Variants in ITGA11 observed in about 807,000 individuals in gnomAD.
ITGA11 encodes integrin subunit alpha 11, also known as integrin alpha-11.
Under a neutral mutation model 141.9 loss-of-function variants are expected in ITGA11, and 97 were observed. The observed-to-expected ratio is 0.68, with a 90% confidence interval of 0.58 to 0.81. ITGA11 has a LOEUF of 0.81. Ranked by LOEUF, ITGA11 falls within the 30% of genes least tolerant of loss-of-function variation. The probability of loss-of-function intolerance (pLI) is 0.00; values close to 1 mark genes in which losing one functional copy is unlikely to be tolerated. For synonymous variants in ITGA11, 658 were observed against 624.6 expected (o/e 1.05, Z -0.80); for missense variants, 1,387 against 1,559.2 (o/e 0.89, Z 1.86).
rs527860075 is a variant in ITGA11, at chr15:68,307,023, G to A, written c.3381+325C>T. Among the ~76,000 whole-genome samples the A allele has an allele frequency of 1.6e-4, 24 of 152,266 alleles. No individual in the cohort carries two copies. Among genetic ancestry groups the A allele is most frequent in the African/African-American group, 5.8e-4 (24 of 41,534 alleles). On this transcript the variant is annotated intron_variant, in intron 28 of 29. Transcript: ENST00000315757. The surrounding 1 kb of genome is among the most constrained non-coding windows in gnomAD (Gnocchi z 6.1). ...CTCACAGAGTCTCACTCCTTTCCTG[G>A]ACCCTGGATGAAGCCAGTGTAATCT...
At chr15:68,360,736 T>C (rs879783822) in intron 5 of ITGA11, among the ~76,000 whole-genome samples, 20 of 152,218 alleles carry the variant, frequency 1.3e-4, no homozygotes, top group Non-Finnish European at 2.9e-4. Flanking sequence ...TCCTGTGCCC[T>C]GGCTCTGCCA....
rs1282223111 is a variant in ITGA11 at position 68,328,851 on chromosome 15, A to AAAGC, written c.1902-593_1902-590dup. 6.6e-6 allele frequency among the ~76,000 whole-genome samples: 1 copy of AAAGC among 152,166 alleles called. No individual in the cohort carries two copies. The highest frequency in any genetic ancestry group is 1.5e-5 in the Non-Finnish European group (1 of 68,022). ...ACCACACTTCGAAGAGCGAGGCGTT[A>AAAGC]AAGCACCCCAGGTGATTCCAACGTG... On this transcript the variant is annotated intron_variant, in intron 15 of 29. Coordinates refer to ENST00000315757, the MANE Select transcript of ITGA11 (RefSeq NM_001004439.2). The surrounding 1 kb of genome is among the most constrained non-coding windows in gnomAD (Gnocchi z 4.8).
At position 68,358,590 on chromosome 15, in the gene ITGA11, A is replaced by G. The variant is rs558111311; in HGVS notation, c.473-5T>C. ...TGTCCATGTAGGTCTGGCACCCTGG[A>G]AAGTGGGGACACAGTTATGGCTACC... On this transcript the variant is annotated splice_polypyrimidine_tract_variant and splice_region_variant and intron_variant, in intron 5 of 29. Transcript: ENST00000315757. 6 of 1,609,414 alleles carry G rather than the reference A, an allele frequency of 3.7e-6. No individual in the cohort carries two copies. In the South Asian group the frequency reaches 4.4e-5, roughly 12 times the overall value.
At chr15:68,418,142 G>T (rs938680623) in intron 1 of ITGA11, among the ~76,000 whole-genome samples, 1 of 152,206 alleles carries the variant, frequency 6.6e-6, no homozygotes, top group Non-Finnish European at 1.5e-5. Context: ...AAGAATGATA[G>T]GAATTCTTTC....
intron 24 of ITGA11, among the ~76,000 whole-genome samples, chr15:68,311,680 G>A (rs537985575): frequency 4.6e-5 from 7 of 152,320 alleles, no homozygotes; most frequent in African/African-American, 1.7e-4. Context: ...GAGAGCAGGG[G>A]CCACCTGCAT....
chr15:68,400,837 AT>A lies in ITGA11; in HGVS notation c.164+2080del, dbSNP rs1896479955. ...TAATATTATATATTATATAATAAAT[AT>A]TATATTATATATTATATAATAAATA... On this transcript the variant is annotated intron_variant, in intron 2 of 29. Transcript: ENST00000315757. Among the ~76,000 whole-genome samples the A allele has an allele frequency of 5.9e-5, 4 of 67,892 alleles. 2 individuals carry two copies. The highest frequency in any genetic ancestry group is 2.3e-4 in the African/African-American group (4 of 17,426). The allele number at this position is 67,892 out of a possible 152,430, so 44.5% of individuals were successfully genotyped here.
intron 2 of ITGA11, among the ~76,000 whole-genome samples, chr15:68,369,843 T>C (rs1025602325): frequency 6.6e-6 from 1 of 152,240 alleles, no homozygotes; most frequent in African/African-American, 2.4e-5. Flanking sequence ...CTTGAGCCAA[T>C]GCCTTTGCAA....
intron 6 of ITGA11, among the ~76,000 whole-genome samples, chr15:68,357,874 G>T (rs973712783): frequency 1.3e-5 from 2 of 152,178 alleles, no homozygotes; most frequent in Non-Finnish European, 2.9e-5. Context: ...TACCCTAAAA[G>T]ATGATCTTCT....
chr15:68,311,055 C>A lies in ITGA11; in HGVS notation c.3113G>T (p.Gly1038Val). ...DEANTSCNIW[G>V]NSTEYRPTPV... ...GGTGGGCCGGTACTCAGTGCTATTG[C>A]CCCAGATGTTACAGGACGTGTTCGC... The change falls in exon 26 of 30, where the codon GGC becomes GTC. Residue 1038 changes from glycine to valine, a missense_variant. Transcript: ENST00000315757. 6.2e-7 allele frequency: 1 copy of A among 1,607,844 alleles called. No homozygotes were observed. The highest frequency in any genetic ancestry group is 8.5e-7 in the Non-Finnish European group (1 of 1,177,092).
intron 10 of ITGA11, among the ~76,000 whole-genome samples, chr15:68,343,608 T>C (rs1039710013): frequency 1.3e-5 from 2 of 152,038 alleles, no homozygotes; most frequent in South Asian, 2.1e-4. Flanking sequence ...GTGGAGGTAG[T>C]CGCTGGTGGT....
intron 2 of ITGA11, among the ~76,000 whole-genome samples, chr15:68,402,025 T>C (rs904239287): frequency 1.5e-5 from 2 of 136,424 alleles, no homozygotes; most frequent in Non-Finnish European, 3.0e-5. Flanking sequence ...GGCTGGAGCA[T>C]TGAACACAAG....
chr15:68,402,249 G>A (rs75015854), intron 2 of ITGA11, among the ~76,000 whole-genome samples: 3,229 of 152,108 alleles, frequency 0.021, 42 homozygotes, highest in Middle Eastern at 0.058. Flanking sequence ...GGAGGAGGAT[G>A]ACTAACCGTA....
intron 12 of ITGA11, 68 bp from the exon 13 acceptor site, chr15:68,332,546 C>T (rs996853224): frequency 1.8e-5 from 28 of 1,538,408 alleles, no homozygotes; most frequent in East Asian, 4.7e-5. Flanking sequence ...GCCCTCGCCT[C>T]GCGGGCAGAG....
At chr15:68,427,957 G>A (rs959473222) in intron 1 of ITGA11, among the ~76,000 whole-genome samples, 1 of 152,190 alleles carries the variant, frequency 6.6e-6, no homozygotes, top group Non-Finnish European at 1.5e-5. Context: ...AGGATCAGCA[G>A]AGATACCATT....
intron 1 of ITGA11, among the ~76,000 whole-genome samples, chr15:68,406,350 TCTC>T (rs1303335924): frequency 2.0e-5 from 3 of 151,954 alleles, no homozygotes; most frequent in Middle Eastern, 3.4e-3. Context: ...ATTTCTACCC[TCTC>T]CTCCTCCTCT....
rs1472560657 is a variant in ITGA11 at position 68,339,546 on chromosome 15, G to T, written c.1230C>A (p.Tyr410Ter). 6.2e-6 allele frequency: 10 copies of T among 1,613,956 alleles called. No individual in the cohort carries two copies. The highest frequency in any genetic ancestry group is 8.5e-6 in the Non-Finnish European group (10 of 1,179,858). The change falls in exon 11 of 30, where the codon TAC (tyrosine) becomes TAA (stop). Residue 410 changes from tyrosine to a stop codon, truncating the protein, a stop_gained. Coordinates refer to ENST00000315757, the MANE Select transcript of ITGA11 (RefSeq NM_001004439.2). LOFTEE classifies it high-confidence loss of function. ...AGKVIPLRESYLKEFPEELKN... is the reference protein window; with the variant it reads ...AGKVIPLRES ...TGAGCTCCTCGGGGAACTCTTTCAG[G>T]TAGGACTCGCGGAGAGGAATGACCT...
At position 68,351,162 on chromosome 15, in the gene ITGA11, T is replaced by C. The variant is rs910245280; in HGVS notation, c.894+96A>G. ...GCTTTTTTGAGGGCCTGGACACTTGTGATACTGCCTGGAACTAGTCCCTTG... is the reference window on the plus strand; with the variant it reads ...GCTTTTTTGAGGGCCTGGACACTTGCGATACTGCCTGGAACTAGTCCCTTG... On this transcript the variant is annotated intron_variant, in intron 8 of 29. Coordinates refer to ENST00000315757, the MANE Select transcript of ITGA11 (RefSeq NM_001004439.2). 6.7e-6 allele frequency: 9 copies of C among 1,353,202 alleles called. No individual in the cohort carries two copies. In the African/African-American group the frequency reaches 1.2e-4, roughly 18 times the overall value. The allele number at this position is 1,353,202 out of a possible 1,614,324, so 83.8% of individuals were successfully genotyped here.
chr15:68,350,273 C>T (rs1894863057), intron 9 of ITGA11, among the ~76,000 whole-genome samples: 1 of 152,202 alleles, frequency 6.6e-6, no homozygotes, highest in Non-Finnish European at 1.5e-5. Context: ...CAACCTCAAC[C>T]TCCCAGGCTC....
At chr15:68,315,406 C>T (rs1399781767) in intron 22 of ITGA11, among the ~76,000 whole-genome samples, 1 of 152,164 alleles carries the variant, frequency 6.6e-6, no homozygotes, top group Non-Finnish European at 1.5e-5. Context: ...AAGTAAAGGG[C>T]TGACATTATT....
Sources: gnomAD v4.1 joint callset for allele counts (sites outside exome capture counted in the v4.1 genomes callset) on GRCh38, gnomAD v4.1.1 for gene constraint, Gnocchi (gnomAD v3.1) non-coding constraint, MANE v1.5 for transcripts, NCBI Gene and HGNC (gene_info 2026-07-23, HGNC 2026-07-21) for gene names.